Variants in FMNL2 observed in about 807,000 individuals in gnomAD.
The protein encoded by FMNL2 is formin like 2.
A neutral mutation model predicts 130.2 loss-of-function variants in FMNL2; 51 were observed. That is an observed-to-expected ratio of 0.39 (90% CI 0.31 to 0.49). FMNL2 has a LOEUF of 0.49. Among genes scored for constraint, FMNL2 ranks in the 20% least tolerant of loss-of-function variants. The pLI is 0.85. For missense variants in FMNL2, 977 were observed against 1,316.2 expected, an observed-to-expected ratio of 0.74 and a Z score of 3.99; for synonymous variants, 465 against 467.1, an observed-to-expected ratio of 1.00 and a Z score of 0.06.
intron 10 of FMNL2, among the ~76,000 whole-genome samples, chr2:152,608,558 G>GTA (rs1165218500): frequency 6.8e-6 from 1 of 146,124 alleles, no homozygotes; most frequent in Non-Finnish European, 1.5e-5. Context: ...ACATATATAT[G>GTA]TATATATATG....
At chr2:152,550,223 A>G (rs1694860373) in intron 4 of FMNL2, among the ~76,000 whole-genome samples, 1 of 152,258 alleles carries the variant, frequency 6.6e-6, no homozygotes, top group Non-Finnish European at 1.5e-5. Context: ...CAAATGGTTA[A>G]TTAGCATAGT....
intron 1 of FMNL2, among the ~76,000 whole-genome samples, chr2:152,341,797 G>T (rs2105732754): frequency 6.6e-6 from 1 of 152,252 alleles, no homozygotes; most frequent in Admixed American, 6.5e-5. Context: ...AATTCCCCAG[G>T]GTCAGTGACT....
chr2:152,476,835 G>A (rs1327909809), intron 1 of FMNL2, among the ~76,000 whole-genome samples: 2 of 152,032 alleles, frequency 1.3e-5, no homozygotes, highest in African/African-American at 4.8e-5. Flanking sequence ...CTAATTCTCA[G>A]ATTATATTAT....
chr2:152,633,989 G>A (rs1251886885), intron 21 of FMNL2, among the ~76,000 whole-genome samples: 1 of 152,154 alleles, frequency 6.6e-6, no homozygotes, highest in Non-Finnish European at 1.5e-5. Flanking sequence ...TGCCCTCCAT[G>A]TACTTGGCAC....
rs1292663428 is a variant in FMNL2 at position 152,649,807 on chromosome 2, A to G, written c.*1902A>G. 6.5e-6 allele frequency: 1 copy of G among 152,690 alleles called. No homozygotes were observed. The highest frequency in any genetic ancestry group is 1.5e-5 in the Non-Finnish European group (1 of 68,044). 9.5% of individuals were successfully genotyped at this position (152,690 alleles called of 1,614,324 possible). The stretch of plus-strand genomic sequence containing the variant: ...TCTTTTCATGGCATATGAGCAAATA[A>G]TAAACTATTTACACTACTATTCTGT... On this transcript the variant is annotated 3_prime_UTR_variant, in exon 26 of 26. Coordinates refer to ENST00000288670, the MANE Select transcript of FMNL2 (RefSeq NM_052905.4).
At chr2:152,638,276 GT>G (rs1682788949) in intron 23 of FMNL2, among the ~76,000 whole-genome samples, 1 of 152,222 alleles carries the variant, frequency 6.6e-6, no homozygotes, top group Non-Finnish European at 1.5e-5. Context: ...AAAGAGACAT[GT>G]ATCAGAAGGA....
At chr2:152,346,089 A>G (rs1348239153) in intron 1 of FMNL2, among the ~76,000 whole-genome samples, 4 of 151,986 alleles carry the variant, frequency 2.6e-5, no homozygotes, top group South Asian at 2.1e-4. Flanking sequence ...CAGTGGCACA[A>G]TCTTGGCTCA....
At chr2:152,342,236 G>A (rs1390551250) in intron 1 of FMNL2, among the ~76,000 whole-genome samples, 3 of 152,190 alleles carry the variant, frequency 2.0e-5, no homozygotes, top group Non-Finnish European at 4.4e-5. Context: ...CCAGCCCTCA[G>A]GTTTAAGCAA....
chr2:152,374,176 A>C (rs1268496676), intron 1 of FMNL2, among the ~76,000 whole-genome samples: 3 of 152,172 alleles, frequency 2.0e-5, no homozygotes, highest in Non-Finnish European at 2.9e-5. Flanking sequence ...ACTTAATAAC[A>C]GGTGTAGCGT....
chr2:152,425,276 A>G (rs780525178), intron 1 of FMNL2, among the ~76,000 whole-genome samples: 2 of 152,186 alleles, frequency 1.3e-5, no homozygotes. Flanking sequence ...TAAGAGTGCT[A>G]TGTGCTATTT....
At chr2:152,450,476 T>C (rs150841453) in intron 1 of FMNL2, among the ~76,000 whole-genome samples, 36 of 152,382 alleles carry the variant, frequency 2.4e-4, no homozygotes, top group African/African-American at 7.9e-4. Context: ...TTCAGTGTTA[T>C]ACTTAAAGAT....
At chr2:152,491,452 A>G (rs78926321) in intron 1 of FMNL2, among the ~76,000 whole-genome samples, 4,120 of 152,306 alleles carry the variant, frequency 0.027, 82 homozygotes, top group Non-Finnish European at 0.043. Context: ...GTGAAAGGAC[A>G]GTGGGTGTGA....
At position 152,415,529 on chromosome 2, in the gene FMNL2, G is replaced by GTT. The variant is rs566609569; in HGVS notation, c.117+79812_117+79813dup. On this transcript the variant is annotated intron_variant, in intron 1 of 25. Coordinates refer to ENST00000288670, the MANE Select transcript of FMNL2 (RefSeq NM_052905.4). Reference sequence around the variant, plus strand: ...TGTCTTCTGTTTTCTCCTGCCTGATGTTTTCCATTTTGGCAACTTAGAATC... The same window carrying GTT: ...TGTCTTCTGTTTTCTCCTGCCTGATGTTTTTTCCATTTTGGCAACTTAGAATC... Among the ~76,000 whole-genome samples the GTT allele has an allele frequency of 8.8e-4, 134 of 152,280 alleles. 1 individual carries two copies. The highest frequency in any genetic ancestry group is 3.2e-3 in the African/African-American group (131 of 41,584).
At chr2:152,364,259 GTGTTTTTTTTTTTTTTT>G (rs1352514879) in intron 1 of FMNL2, among the ~76,000 whole-genome samples, 3 of 100,798 alleles carry the variant, frequency 3.0e-5, no homozygotes, top group Admixed American at 2.2e-4. Context: ...GGAGGTTTGT[GTGTTTTTTTTTTTTTTT>G]TTTTTTTTTT....
At chr2:152,578,710 A>G in intron 7 of FMNL2, 178 bp from the exon 8 acceptor site, 1 of 463,264 alleles carries the variant, frequency 2.2e-6, no homozygotes, top group Non-Finnish European at 3.8e-6. Context: ...GGCATTCTTG[A>G]AATTTTTAAT....
intron 1 of FMNL2, among the ~76,000 whole-genome samples, chr2:152,392,469 A>G (rs948930674): frequency 1.6e-4 from 24 of 152,256 alleles, no homozygotes; most frequent in African/African-American, 5.3e-4. Context: ...TAAGGAATAG[A>G]ATTTTATTTC....
rs377529787 is a variant in FMNL2, at chr2:152,636,674, A to G, written c.2844+84A>G. ...GTGCAGGCCCTGTATTTGGGGAGAAATGTTCCATTTCCCTCTGTTTGTGGA... is the reference window on the plus strand; with the variant it reads ...GTGCAGGCCCTGTATTTGGGGAGAAGTGTTCCATTTCCCTCTGTTTGTGGA... On this transcript the variant is annotated intron_variant, in intron 22 of 25. Transcript: ENST00000288670. 46 of 1,435,464 alleles carry G rather than the reference A, an allele frequency of 3.2e-5. No individual in the cohort carries two copies. The East Asian group carries it at 6.1e-4, about 19-fold the overall frequency. 88.9% of individuals were successfully genotyped at this position (1,435,464 alleles called of 1,614,324 possible).
intron 1 of FMNL2, among the ~76,000 whole-genome samples, chr2:152,386,703 G>A (rs1217101926): frequency 1.3e-5 from 2 of 152,130 alleles, no homozygotes; most frequent in South Asian, 2.1e-4. Flanking sequence ...GAGGCCTGGA[G>A]ATTTCTTACA....
intron 1 of FMNL2, among the ~76,000 whole-genome samples, chr2:152,403,424 A>G (rs537524929): frequency 5.9e-4 from 90 of 152,290 alleles, no homozygotes; most frequent in Non-Finnish European, 1.2e-3. Flanking sequence ...AGTCATTTGT[A>G]TCAGTGTGGA....
Sources: gnomAD v4.1 joint callset for allele counts (sites outside exome capture counted in the v4.1 genomes callset) on GRCh38, gnomAD v4.1.1 for gene constraint, MANE v1.5 for transcripts, NCBI Gene and HGNC (gene_info 2026-07-23, HGNC 2026-07-21) for gene names.